The following ANKRD28 variants were observed in gnomAD, a reference collection of about 807,000 sequenced individuals.
The protein encoded by ANKRD28 is serine/threonine-protein phosphatase 6 regulatory ankyrin repeat subunit A.
ANKRD28 carries 44 observed loss-of-function variants against 126.5 expected under a neutral mutation model. The observed-to-expected ratio is 0.35, with a 90% CI of 0.27 to 0.45. The LOEUF (loss-of-function observed/expected upper bound fraction) is 0.45. Among genes scored for constraint, ANKRD28 ranks in the 20% least tolerant of loss-of-function variants. The pLI, the probability that ANKRD28 is intolerant of heterozygous loss-of-function variation, is 1.00. For missense variants in ANKRD28, 1,110 were observed against 1,316.6 expected, an observed-to-expected ratio of 0.84 and a Z score of 2.43; for synonymous variants, 442 against 468.5, an observed-to-expected ratio of 0.94 and a Z score of 0.73.
intron 14 of ANKRD28, among the ~76,000 whole-genome samples, chr3:15,698,047 T>C (rs1232028951): frequency 2.0e-5 from 3 of 152,230 alleles, no homozygotes; most frequent in Admixed American, 6.5e-5. Context: ...TCTCTGATTG[T>C]AGTTTGTATT....
intron 1 of ANKRD28, among the ~76,000 whole-genome samples, chr3:15,857,173 C>T (rs1035188720): frequency 3.3e-5 from 5 of 152,220 alleles, no homozygotes; most frequent in African/African-American, 1.2e-4. Flanking sequence ...CTAGGCAAAA[C>T]CAAACTTATT....
intron 2 of ANKRD28, among the ~76,000 whole-genome samples, chr3:15,778,740 A>G (rs2059411149): frequency 6.6e-6 from 1 of 152,194 alleles, no homozygotes; most frequent in South Asian, 2.1e-4. Flanking sequence ...CTGCCAGATG[A>G]CATAAACTAA....
chr3:15,808,607 G>T (rs1225200093), intron 1 of ANKRD28, among the ~76,000 whole-genome samples: 1 of 152,138 alleles, frequency 6.6e-6, no homozygotes, highest in Non-Finnish European at 1.5e-5. Context: ...TAGTTGCAGA[G>T]GAAAAGGTTC....
intron 4 of ANKRD28, among the ~76,000 whole-genome samples, chr3:15,742,386 G>A (rs966912985): frequency 1.3e-4 from 19 of 150,110 alleles, no homozygotes; most frequent in East Asian, 6.1e-4. Context: ...CCTCTGCCCC[G>A]CCGCCCCGTC....
At chr3:15,777,814 T>C (rs1354718635) in intron 2 of ANKRD28, among the ~76,000 whole-genome samples, 1 of 147,504 alleles carries the variant, frequency 6.8e-6, no homozygotes. Context: ...AGGGGCAACC[T>C]GGACAGTTGA....
chr3:15,800,803 C>T (rs966062713), upstream of ANKRD28, among the ~76,000 whole-genome samples: 1 of 151,906 alleles, frequency 6.6e-6, no homozygotes, highest in East Asian at 1.9e-4. Context: ...AAAGTACTAG[C>T]CCATGGTATA....
intron 2 of ANKRD28, among the ~76,000 whole-genome samples, chr3:15,789,712 AC>A (rs1433721016): frequency 6.6e-6 from 1 of 151,958 alleles, no homozygotes; most frequent in Non-Finnish European, 1.5e-5. Context: ...CAAATATAAA[AC>A]TCTAGTATTT....
chr3:15,710,011 G>A (rs945869059), intron 12 of ANKRD28, among the ~76,000 whole-genome samples: 7 of 149,400 alleles, frequency 4.7e-5, no homozygotes, highest in Non-Finnish European at 1.0e-4. Context: ...TTCTGAGGAG[G>A]CTTTAGGAAA....
Position 15,670,436 on chromosome 3 carries a change from G to A in ANKRD28, c.3086C>T (p.Ala1029Val), listed in dbSNP as rs368838325. ...TGAGGTGTTGGTATAACGGTTAATGGCATTGAATGTTAAGGATGATAAAGG... is the reference window on the plus strand; with the variant it reads ...TGAGGTGTTGGTATAACGGTTAATGACATTGAATGTTAAGGATGATAAAGG... ...SSPLSSLTFN[A>V]INRYTNTSKT... The change falls in exon 28 of 28, where the codon GCC becomes GTC. Residue 1029 changes from alanine (A) to valine (V), a missense_variant. Ala to Val is a moderately conservative substitution (Grantham distance 64). Coordinates refer to ENST00000683139, the MANE Select transcript of ANKRD28 (RefSeq NM_001349278.2). The A allele has an allele frequency of 2.0e-5, 32 of 1,613,844 alleles. No homozygotes were observed. In the Middle Eastern group the frequency reaches 4.9e-4, roughly 25 times the overall value.
chr3:15,824,306 C>T (rs1258031126), intron 1 of ANKRD28, among the ~76,000 whole-genome samples: 3 of 152,212 alleles, frequency 2.0e-5, no homozygotes, highest in Non-Finnish European at 4.4e-5. Flanking sequence ...AGGCATGTGC[C>T]ACCACAGCCG....
At chr3:15,704,474 A>C (rs2071074331) in intron 14 of ANKRD28, among the ~76,000 whole-genome samples, 2 of 152,218 alleles carry the variant, frequency 1.3e-5, no homozygotes, top group African/African-American at 4.8e-5. Flanking sequence ...CTTTAAAGGT[A>C]GAAACTGTGA....
chr3:15,796,591 T>C lies in ANKRD28; in HGVS notation c.-70A>G. The C allele has an allele frequency of 1.7e-6, 2 of 1,210,660 alleles. No individual in the cohort carries two copies. The highest frequency in any genetic ancestry group is 1.6e-5 in the African/African-American group (1 of 63,588). The allele number at this position is 1,210,660 out of a possible 1,614,324, so 75.0% of individuals were successfully genotyped here. On this transcript the variant is annotated 5_prime_UTR_variant, in exon 1 of 28. Coordinates refer to ENST00000683139, the MANE Select transcript of ANKRD28 (RefSeq NM_001349278.2). ...ACAGTTGGAAGAGCACAAGTAGTTT[T>C]TCCTCCTCTTCTGTACAACACTTAC...
intron 1 of ANKRD28, among the ~76,000 whole-genome samples, chr3:15,840,282 T>C (rs2061401194): frequency 6.6e-6 from 1 of 152,126 alleles, no homozygotes. Flanking sequence ...ATCAAGAAAG[T>C]AATTCCATTT....
At chr3:15,800,844 A>C (rs938275031), upstream of ANKRD28, among the ~76,000 whole-genome samples, 1 of 152,112 alleles carries the variant, frequency 6.6e-6, no homozygotes, top group African/African-American at 2.4e-5. Context: ...AAAAAATACT[A>C]AGAGAAATAT....
chr3:15,754,109 G>A (rs1460243909), intron 3 of ANKRD28, among the ~76,000 whole-genome samples: 2 of 152,158 alleles, frequency 1.3e-5, no homozygotes, highest in Non-Finnish European at 2.9e-5. Context: ...GTCCCCCCTT[G>A]TTTCACTTTT....
intron 2 of ANKRD28, among the ~76,000 whole-genome samples, chr3:15,794,489 C>T (rs376314442): frequency 3.8e-4 from 58 of 152,174 alleles, no homozygotes; most frequent in African/African-American, 1.4e-3. Flanking sequence ...ACATTTGTTT[C>T]TGGTAAAAAT....
intron 6 of ANKRD28, among the ~76,000 whole-genome samples, chr3:15,725,518 CTT>C (rs2074089396): frequency 1.3e-5 from 2 of 152,124 alleles, no homozygotes; most frequent in African/African-American, 2.4e-5. Context: ...AATATTGCAT[CTT>C]GTTTCTTAAA....
chr3:15,828,547 C>A (rs2061119330), intron 1 of ANKRD28, among the ~76,000 whole-genome samples: 2 of 150,540 alleles, frequency 1.3e-5, no homozygotes, highest in Non-Finnish European at 3.0e-5. Context: ...TACTTTGAGA[C>A]CCTTTGTATT....
In ANKRD28 at chr3:15,859,512, C is replaced by T. The variant is rs1219416068; in HGVS notation, c.-109G>A. ...CAGTAGCCTTGGCCGCTGCCCGGGA[C>T]CAGCGGGTCCGCGGCCGACTGCGCT... On this transcript the variant is annotated 5_prime_UTR_variant, in exon 1 of 28. Transcript: ENST00000399451. 79 of 1,071,390 alleles carry T rather than the reference C, an allele frequency of 7.4e-5. No individual in the cohort carries two copies. In the East Asian group the frequency reaches 1.6e-3, roughly 21 times the overall value. 66.4% of individuals were successfully genotyped at this position (1,071,390 alleles called of 1,614,324 possible). A position where few individuals can be genotyped will look rare whatever the true frequency, so the allele number is the denominator to read the frequency against.
Sources: gnomAD v4.1 joint callset for allele counts (sites outside exome capture counted in the v4.1 genomes callset) on GRCh38, gnomAD v4.1.1 for gene constraint, MANE v1.5 for transcripts, NCBI Gene and HGNC (gene_info 2026-07-23, HGNC 2026-07-21) for gene names.